The following ALOX5 variants were observed in gnomAD, a reference collection of about 807,000 sequenced individuals.
The protein encoded by ALOX5 is polyunsaturated fatty acid 5-lipoxygenase.
In ALOX5, 64 loss-of-function variants were observed where a neutral mutation model predicts 87.9. That is an observed-to-expected ratio of 0.73 (90% confidence interval 0.60 to 0.90). ALOX5 has a LOEUF of 0.90. Ranked by LOEUF, ALOX5 falls within the 40% of genes least tolerant of loss-of-function variation. ALOX5 has a pLI of 0.00. For missense variants in ALOX5, 822 were observed against 907.5 expected, an observed-to-expected ratio of 0.91 and a Z score of 1.21; for synonymous variants, 388 against 355.1, an observed-to-expected ratio of 1.09 and a Z score of -1.04.
chr10:45,436,944 T>C (rs1842077633), intron 7 of ALOX5, among the ~76,000 whole-genome samples: 1 of 152,226 alleles, frequency 6.6e-6, no homozygotes. Flanking sequence ...CCTCCTTGGC[T>C]GGATACATTC....
At chr10:45,385,767 G>A (rs1465202420) in intron 2 of ALOX5, among the ~76,000 whole-genome samples, 1 of 152,154 alleles carries the variant, frequency 6.6e-6, no homozygotes, top group East Asian at 1.9e-4. Context: ...CATCCCCAGG[G>A]GAGGATGCAG....
chr10:45,419,047 C>T (rs1427476572), intron 4 of ALOX5, among the ~76,000 whole-genome samples: 1 of 152,174 alleles, frequency 6.6e-6, no homozygotes, highest in African/African-American at 2.4e-5. Context: ...GCCCTCTCCC[C>T]AGGACCACAG....
chr10:45,424,982 G>A lies in ALOX5; in HGVS notation c.684G>A (p.Gln228=). Residue 228 remains glutamine (Q), a synonymous_variant, in exon 6 of 14, where the codon CAG becomes CAA. Coordinates refer to ENST00000374391, the MANE Select transcript of ALOX5 (RefSeq NM_000698.5). The stretch of plus-strand genomic sequence containing the variant: ...TAGAGCGGGTCATGAATCACTGGCA[G>A]GAAGACCTGATGTTTGGCTACCAGT... ...TISERVMNHW[Q]EDLMFGYQFL... 1.2e-6 allele frequency: 2 copies of A among 1,614,222 alleles called. No individual in the cohort carries two copies. Among genetic ancestry groups the A allele is most frequent in the Non-Finnish European group, 1.7e-6 (2 of 1,180,032 alleles).
chr10:45,441,752 G>C (rs193065674), intron 9 of ALOX5, among the ~76,000 whole-genome samples: 2 of 146,082 alleles, frequency 1.4e-5, no homozygotes, highest in African/African-American at 5.1e-5. Context: ...GACCTCCTAC[G>C]CACCAGGAAC....
intron 4 of ALOX5, among the ~76,000 whole-genome samples, chr10:45,419,254 C>G (rs1236271790): frequency 2.6e-5 from 4 of 152,174 alleles, no homozygotes; most frequent in African/African-American, 9.7e-5. Context: ...CGCAGGCGGG[C>G]GGAGAGCAGA....
At chr10:45,441,831 C>T (rs1412944338) in intron 9 of ALOX5, among the ~76,000 whole-genome samples, 3 of 152,088 alleles carry the variant, frequency 2.0e-5, no homozygotes, top group Non-Finnish European at 2.9e-5. Context: ...CTCTGCTTCC[C>T]GGGTCCCAAC....
chr10:45,391,585 G>A (rs558723209), intron 2 of ALOX5, among the ~76,000 whole-genome samples: 52 of 151,168 alleles, frequency 3.4e-4, no homozygotes, highest in African/African-American at 1.2e-3. Context: ...CCCTCTGCCT[G>A]GCTGCCCAGT....
intron 3 of ALOX5, among the ~76,000 whole-genome samples, chr10:45,408,562 T>C (rs1840959474): frequency 6.6e-6 from 1 of 152,222 alleles, no homozygotes; most frequent in African/African-American, 2.4e-5. Context: ...TAAATGTTTC[T>C]TATCAATCTT....
At chr10:45,445,448 C>T in intron 13 of ALOX5, 60 bp from the exon 14 acceptor site, 2 of 1,566,998 alleles carry the variant, frequency 1.3e-6, no homozygotes, top group Admixed American at 1.7e-5. Flanking sequence ...ATGAGACAGG[C>T]CTGTCAGTTT....
chr10:45,405,590 C>T (rs1321352222), intron 3 of ALOX5, among the ~76,000 whole-genome samples: 1 of 152,158 alleles, frequency 6.6e-6, no homozygotes, highest in Non-Finnish European at 1.5e-5. Flanking sequence ...ATTTTATTAA[C>T]TATGTATTGT....
intron 10 of ALOX5, 55 bp downstream of exon 10, chr10:45,443,271 T>A (rs1439699358): frequency 1.3e-5 from 21 of 1,590,080 alleles, no homozygotes; most frequent in Non-Finnish European, 1.8e-5. Context: ...CCTGCCTGAC[T>A]ACCTGGGGCG....
intron 2 of ALOX5, among the ~76,000 whole-genome samples, chr10:45,391,054 C>CAGGG (rs1205753852): frequency 2.2e-5 from 2 of 92,986 alleles, no homozygotes; most frequent in African/African-American, 1.0e-4. Context: ...CCCCTCTCCC[C>CAGGG]TCTCCCTCTC....
chr10:45,388,988 A>C (rs1033040408), intron 2 of ALOX5, among the ~76,000 whole-genome samples: 1 of 152,226 alleles, frequency 6.6e-6, no homozygotes, highest in Non-Finnish European at 1.5e-5. Context: ...CAATGTAGAG[A>C]AGTCCTTAAA....
At chr10:45,426,757 C>T (rs1841718589) in intron 6 of ALOX5, among the ~76,000 whole-genome samples, 1 of 152,222 alleles carries the variant, frequency 6.6e-6, no homozygotes, top group Non-Finnish European at 1.5e-5. Context: ...AGATCATCCC[C>T]TGCACTGTCT....
Position 45,432,338 on chromosome 10 carries a change from C to A in ALOX5, c.981+3574C>A, listed in dbSNP as rs1300861572. ...TCGCTCCACTGCACTCCACACTGGG[C>A]AACAGAGTAAGACCCTATCTTTAAA... On this transcript the variant is annotated intron_variant, in intron 7 of 13. Coordinates refer to ENST00000374391, the MANE Select transcript of ALOX5 (RefSeq NM_000698.5). 2.1e-5 allele frequency among the ~76,000 whole-genome samples: 3 copies of A among 142,572 alleles called. No homozygotes were observed. In the East Asian group the frequency reaches 6.1e-4, roughly 29 times the overall value. The allele number at this position is 142,572 out of a possible 152,430, so 93.5% of individuals were successfully genotyped here.
intron 3 of ALOX5, among the ~76,000 whole-genome samples, chr10:45,399,639 G>A (rs747934582): frequency 4.6e-5 from 7 of 152,150 alleles, no homozygotes; most frequent in Non-Finnish European, 7.4e-5. Context: ...AAGTAGACAA[G>A]TTAGATGTCA....
At chr10:45,378,584 G>A (rs1839712027) in intron 1 of ALOX5, among the ~76,000 whole-genome samples, 1 of 152,198 alleles carries the variant, frequency 6.6e-6, no homozygotes. Context: ...CCAGAGAGGA[G>A]GGAGGAAGGT....
chr10:45,399,965 G>T (rs1320252207), intron 3 of ALOX5, among the ~76,000 whole-genome samples: 1 of 152,128 alleles, frequency 6.6e-6, no homozygotes, highest in Non-Finnish European at 1.5e-5. Context: ...CACTAAAATG[G>T]TTAGAATAAA....
rs80278898 is a variant in ALOX5 at position 45,391,673 on chromosome 10, G to A, written c.350-4182G>A. 6.0e-3 allele frequency among the ~76,000 whole-genome samples: 897 copies of A among 149,404 alleles called. 10 individuals carry two copies. In the East Asian group the frequency reaches 0.062, roughly 10 times the overall value. On this transcript the variant is annotated intron_variant, in intron 2 of 13. Transcript: ENST00000374391. ...GAGCGTCTCTGCCTGGCCGCCCATC[G>A]TCTGGGATGAAGTGAGGAGCGTCTC...
Sources: gnomAD v4.1 joint callset for allele counts (sites outside exome capture counted in the v4.1 genomes callset) on GRCh38, gnomAD v4.1.1 for gene constraint, MANE v1.5 for transcripts, NCBI Gene and HGNC (gene_info 2026-07-23, HGNC 2026-07-21) for gene names.